The following PLCXD3 variants were observed in gnomAD, a reference collection of about 807,000 sequenced individuals.
PLCXD3 encodes phosphatidylinositol specific phospholipase C X domain containing 3, also known as PI-PLC X domain-containing protein 3.
In PLCXD3, 19 loss-of-function variants were observed where a neutral mutation model predicts 25.5. The ratio of observed to expected loss-of-function variants is 0.75; its 90% confidence interval spans 0.52 to 1.09. The LOEUF (loss-of-function observed/expected upper bound fraction) is 1.09, where lower values mean the gene tolerates loss of function less well. PLCXD3 is among the 50% of genes least tolerant of loss of function. The pLI is 0.00. For missense variants in PLCXD3, 411 were observed against 388.1 expected, an observed-to-expected ratio of 1.06 and a Z score of -0.50; for synonymous variants, 174 against 137.6, an observed-to-expected ratio of 1.26 and a Z score of -1.85.
At chr5:41,349,936 T>C (rs1410883320) in intron 2 of PLCXD3, among the ~76,000 whole-genome samples, 1 of 152,164 alleles carries the variant, frequency 6.6e-6, no homozygotes, top group African/African-American at 2.4e-5. Context: ...TTTTTTTTTT[T>C]TTTGGTAGTG....
chr5:41,401,393 A>AT (rs1490156243), intron 1 of PLCXD3, among the ~76,000 whole-genome samples: 3 of 152,084 alleles, frequency 2.0e-5, no homozygotes, highest in African/African-American at 7.2e-5. Context: ...ATGACACGAT[A>AT]TAAGAGTCAA....
chr5:41,390,335 T>TC (rs1745772940), intron 1 of PLCXD3, among the ~76,000 whole-genome samples: 1 of 151,906 alleles, frequency 6.6e-6, no homozygotes, highest in South Asian at 2.1e-4. Flanking sequence ...CTGAATATTT[T>TC]TTCTGGAAAC....
chr5:41,314,621 G>A (rs1743234343), intron 2 of PLCXD3, among the ~76,000 whole-genome samples: 2 of 152,182 alleles, frequency 1.3e-5, no homozygotes, highest in South Asian at 4.1e-4. Context: ...AGACAAGGGA[G>A]TTAGTCATGT....
At chr5:41,510,055 G>T (rs640185) in intron 1 of PLCXD3, among the ~76,000 whole-genome samples, 2 of 152,102 alleles carry the variant, frequency 1.3e-5, no homozygotes, top group African/African-American at 2.4e-5. Context: ...CTTCACACAC[G>T]GTCACCCCGC....
chr5:41,398,742 G>T (rs1334436263), intron 1 of PLCXD3, among the ~76,000 whole-genome samples: 2 of 152,036 alleles, frequency 1.3e-5, no homozygotes, highest in Non-Finnish European at 2.9e-5. Flanking sequence ...AGCCATATAT[G>T]ACAGACCCAC....
At chr5:41,453,895 A>C (rs1338888422) in intron 1 of PLCXD3, among the ~76,000 whole-genome samples, 1 of 151,916 alleles carries the variant, frequency 6.6e-6, no homozygotes, top group African/African-American at 2.4e-5. Flanking sequence ...TGTCCTTTTT[A>C]GACTCTCCAA....
In PLCXD3 at chr5:41,381,719, C is replaced by G. The variant is rs1383690170; in HGVS notation, c.812+107G>C. ...TAGTGGTACTTTGCTATTGCAGCCC[C>G]AGGGACCTAATATACATAGGTATAA... On this transcript the variant is annotated intron_variant, in intron 2 of 2. Transcript: ENST00000377801. 1.1e-5 allele frequency: 11 copies of G among 1,005,146 alleles called. No individual in the cohort carries two copies. In the Admixed American group the frequency reaches 1.1e-4, roughly 10 times the overall value. The allele number at this position is 1,005,146 out of a possible 1,614,324, so 62.3% of individuals were successfully genotyped here.
intron 2 of PLCXD3, among the ~76,000 whole-genome samples, chr5:41,351,499 T>G (rs1744457807): frequency 6.6e-6 from 1 of 152,094 alleles, no homozygotes; most frequent in Non-Finnish European, 1.5e-5. Context: ...CAAGGGCAGT[T>G]CAAATGGATT....
intron 2 of PLCXD3, among the ~76,000 whole-genome samples, chr5:41,342,216 T>C (rs1744171673): frequency 6.6e-6 from 1 of 152,170 alleles, no homozygotes; most frequent in African/African-American, 2.4e-5. Flanking sequence ...ATCCCTCTAA[T>C]GATGTAATAG....
chr5:41,466,485 T>C (rs1400447272), intron 1 of PLCXD3, among the ~76,000 whole-genome samples: 1 of 152,118 alleles, frequency 6.6e-6, no homozygotes, highest in Non-Finnish European at 1.5e-5. Flanking sequence ...ATGTATACAA[T>C]GTGGCATAAT....
intron 1 of PLCXD3, among the ~76,000 whole-genome samples, chr5:41,501,017 T>C (rs1267126305): frequency 1.3e-5 from 2 of 151,944 alleles, no homozygotes; most frequent in Admixed American, 6.6e-5. Flanking sequence ...TATCACCTAA[T>C]ACCTGTTAGG....
chr5:41,474,382 C>T (rs1283454657), intron 1 of PLCXD3, among the ~76,000 whole-genome samples: 1 of 152,218 alleles, frequency 6.6e-6, no homozygotes, highest in African/African-American at 2.4e-5. Context: ...AGTTTGCCAA[C>T]ATTCTGCATT....
Position 41,310,118 on chromosome 5 carries a change from A to C in PLCXD3, c.*3499T>G, listed in dbSNP as rs1251373057. 6.6e-6 allele frequency: 1 copy of C among 152,162 alleles called. No individual in the cohort carries two copies. The highest frequency in any genetic ancestry group is 1.5e-5 in the Non-Finnish European group (1 of 68,004). 9.4% of individuals were successfully genotyped at this position (152,162 alleles called of 1,614,324 possible). On this transcript the variant is annotated 3_prime_UTR_variant, in exon 3 of 3. Coordinates refer to ENST00000377801, the MANE Select transcript of PLCXD3 (RefSeq NM_001005473.3). ...CACTCCATGAAAAGTAAGTTTTCCCAGTATGGCTGAAAGTCAATATTGAGG... is the reference window on the plus strand; with the variant it reads ...CACTCCATGAAAAGTAAGTTTTCCCCGTATGGCTGAAAGTCAATATTGAGG...
chr5:41,371,137 G>C (rs914567829), intron 2 of PLCXD3, among the ~76,000 whole-genome samples: 1 of 152,082 alleles, frequency 6.6e-6, no homozygotes. Flanking sequence ...AAAATGGTCT[G>C]GGCTTTTGCA....
In PLCXD3 at chr5:41,451,210, A is replaced by C. The variant is rs666838; in HGVS notation, c.103+59214T>G. Reference sequence around the variant, plus strand: ...ACCTCAACGTAACCTGAGACATCTTAGTCAAAAGCAGAAATGGACAAGTAA... The same window carrying C: ...ACCTCAACGTAACCTGAGACATCTTCGTCAAAAGCAGAAATGGACAAGTAA... On this transcript the variant is annotated intron_variant, in intron 1 of 2. Coordinates refer to ENST00000377801, the MANE Select transcript of PLCXD3 (RefSeq NM_001005473.3). 8.5e-3 allele frequency among the ~76,000 whole-genome samples: 1,292 copies of C among 152,220 alleles called. 22 individuals carry two copies. Among genetic ancestry groups the C allele is most frequent in the African/African-American group, 0.03 (1,235 of 41,560 alleles).
chr5:41,475,589 TCTTCAGGTCC>T (rs1323764407), intron 1 of PLCXD3: 2 of 533,952 alleles, frequency 3.7e-6, no homozygotes, highest in Admixed American at 1.9e-5. Context: ...CCTGTAGGCC[TCTTCAGGTCC>T]CTTCAGGTCT....
chr5:41,506,785 G>C (rs1749059327), intron 1 of PLCXD3, among the ~76,000 whole-genome samples: 1 of 152,154 alleles, frequency 6.6e-6, no homozygotes, highest in Admixed American at 6.5e-5. Context: ...TAAAGGAAAT[G>C]AACAAAATTC....
At chr5:41,375,989 C>T (rs1486771760) in intron 2 of PLCXD3, among the ~76,000 whole-genome samples, 1 of 152,104 alleles carries the variant, frequency 6.6e-6, no homozygotes, top group Non-Finnish European at 1.5e-5. Flanking sequence ...GGATGCAAGG[C>T]CTTAAATGGA....
At chr5:41,315,440 G>A (rs1418244456) in intron 2 of PLCXD3, among the ~76,000 whole-genome samples, 1 of 151,886 alleles carries the variant, frequency 6.6e-6, no homozygotes, top group Non-Finnish European at 1.5e-5. Context: ...GACAATAGAG[G>A]GCCTTGAGAA....
Sources: gnomAD v4.1 joint callset for allele counts (sites outside exome capture counted in the v4.1 genomes callset) on GRCh38, gnomAD v4.1.1 for gene constraint, MANE v1.5 for transcripts, NCBI Gene and HGNC (gene_info 2026-07-23, HGNC 2026-07-21) for gene names.